Variants in GABRA1 observed in about 807,000 individuals in gnomAD.
The protein encoded by GABRA1 is gamma-aminobutyric acid receptor subunit alpha-1.
Under a neutral mutation model 48.9 loss-of-function variants are expected in GABRA1, and 9 were observed. The ratio of observed to expected loss-of-function variants is 0.18; its 90% CI spans 0.11 to 0.32. The LOEUF (loss-of-function observed/expected upper bound fraction) is 0.32. GABRA1 is among the 10% of genes least tolerant of loss of function. The pLI is 1.00. For missense variants in GABRA1, 285 were observed against 553.8 expected, an observed-to-expected ratio of 0.51 and a Z score of 4.87; for synonymous variants, 210 against 198.7, an observed-to-expected ratio of 1.06 and a Z score of -0.48.
At chr5:161,856,472 A>G (rs1305334418) in intron 3 of GABRA1, among the ~76,000 whole-genome samples, 1 of 151,352 alleles carries the variant, frequency 6.6e-6, no homozygotes, top group Non-Finnish European at 1.5e-5. Flanking sequence ...ATGTGCTTTT[A>G]TCTTTACTAA....
At chr5:161,882,254 G>A in intron 6 of GABRA1, 1 of 406,166 alleles carries the variant, frequency 2.5e-6, no homozygotes, top group Admixed American at 3.7e-5. Context: ...TGTCCCCACT[G>A]CTACAATGCA....
At chr5:161,880,169 A>T (rs901424655) in intron 6 of GABRA1, among the ~76,000 whole-genome samples, 1 of 152,168 alleles carries the variant, frequency 6.6e-6, no homozygotes, top group Non-Finnish European at 1.5e-5. Flanking sequence ...CTGCTTAAAC[A>T]AGTCATTTAT....
intron 6 of GABRA1, among the ~76,000 whole-genome samples, chr5:161,876,766 C>T (rs949976486): frequency 1.3e-5 from 2 of 152,126 alleles, no homozygotes; most frequent in African/African-American, 4.8e-5. Context: ...TCCTGAATAA[C>T]AGATCCATTT....
chr5:161,889,340 G>A (rs1303062894), intron 7 of GABRA1, among the ~76,000 whole-genome samples: 1 of 151,980 alleles, frequency 6.6e-6, no homozygotes, highest in Non-Finnish European at 1.5e-5. Context: ...CCCATATTGT[G>A]CTTCTGACTA....
chr5:161,889,850 T>A (rs907301571), intron 7 of GABRA1, among the ~76,000 whole-genome samples: 4 of 151,958 alleles, frequency 2.6e-5, no homozygotes, highest in Non-Finnish European at 5.9e-5. Flanking sequence ...ATGTCAATAG[T>A]GCTGAGGTTG....
intron 3 of GABRA1, among the ~76,000 whole-genome samples, chr5:161,862,248 C>T (rs1481145989): frequency 1.3e-5 from 2 of 151,848 alleles, no homozygotes; most frequent in Non-Finnish European, 2.9e-5. Context: ...GCACAGGGCT[C>T]TTCAGATATG....
rs1258576999 is a variant in GABRA1, at chr5:161,898,286, T to C, written c.*864T>C. On this transcript the variant is annotated 3_prime_UTR_variant, in exon 10 of 10. Coordinates refer to ENST00000393943, the MANE Select transcript of GABRA1 (RefSeq NM_001127644.2). Reference sequence around the variant, plus strand: ...CCCAACACTCACTTAATTCTCATTATGAAGATGTTTTTAGAGGGGCAAAAA... The same window carrying C: ...CCCAACACTCACTTAATTCTCATTACGAAGATGTTTTTAGAGGGGCAAAAA... 1 of 152,622 alleles carries C rather than the reference T, an allele frequency of 6.6e-6. No individual in the cohort carries two copies. Among genetic ancestry groups the C allele is most frequent in the Non-Finnish European group, 1.5e-5 (1 of 68,008 alleles). The allele number at this position is 152,622 out of a possible 1,614,324, so 9.5% of individuals were successfully genotyped here.
chr5:161,891,369 T>A (rs922317995), intron 8 of GABRA1, among the ~76,000 whole-genome samples: 1 of 152,158 alleles, frequency 6.6e-6, no homozygotes, highest in African/African-American at 2.4e-5. Context: ...TTAAACAATA[T>A]ATTTAGAATA....
chr5:161,864,738 T>C (rs1386083254), intron 3 of GABRA1, among the ~76,000 whole-genome samples: 4 of 151,830 alleles, frequency 2.6e-5, no homozygotes, highest in Non-Finnish European at 5.9e-5. Context: ...TTATAAATGT[T>C]TGTTTTCTTG....
chr5:161,891,188 G>A, intron 8 of GABRA1, 138 bp downstream of exon 8: 1 of 820,792 alleles, frequency 1.2e-6, no homozygotes, highest in Non-Finnish European at 2.0e-6. Flanking sequence ...TCAAGGAATT[G>A]CCACTCTCAT....
At position 161,891,068 on chromosome 5, in the gene GABRA1, T is replaced by A. The variant is rs925661659; in HGVS notation, c.856+18T>A. On this transcript the variant is annotated intron_variant, in intron 8 of 9. Transcript: ENST00000393943. Reference sequence around the variant, plus strand: ...TGTCTTTGGTAAGTCCCAATCAAGATACATACGCAAGGAAGGGTATGGAAG... The same window carrying A: ...TGTCTTTGGTAAGTCCCAATCAAGAAACATACGCAAGGAAGGGTATGGAAG... The A allele has an allele frequency of 1.2e-6, 2 of 1,612,322 alleles. No individual in the cohort carries two copies. Among genetic ancestry groups the A allele is most frequent in the African/African-American group, 1.3e-5 (1 of 74,832 alleles).
chr5:161,870,234 T>C (rs1177375015), intron 4 of GABRA1, among the ~76,000 whole-genome samples: 1 of 152,112 alleles, frequency 6.6e-6, no homozygotes, highest in Non-Finnish European at 1.5e-5. Context: ...GCTATAGTTC[T>C]GCTGCTCGCC....
intron 8 of GABRA1, among the ~76,000 whole-genome samples, chr5:161,893,030 T>TAAC (rs1755182591): frequency 1.5e-5 from 2 of 137,086 alleles, no homozygotes. Context: ...ATAATAATAA[T>TAAC]AATAATAATA....
intron 3 of GABRA1, among the ~76,000 whole-genome samples, chr5:161,863,561 C>T (rs1380605620): frequency 6.6e-6 from 1 of 152,036 alleles, no homozygotes; most frequent in Non-Finnish European, 1.5e-5. Flanking sequence ...CATGGGGATC[C>T]ACCCCCAAAA....
chr5:161,848,687 G>A, intron 1 of GABRA1: 1 of 241,802 alleles, frequency 4.1e-6, no homozygotes, highest in Non-Finnish European at 8.2e-6. Context: ...TTTTTTTCCC[G>A]CTGTCTTTCT....
intron 4 of GABRA1, among the ~76,000 whole-genome samples, chr5:161,867,663 C>A (rs150300158): frequency 1.3e-5 from 2 of 152,162 alleles, no homozygotes; most frequent in African/African-American, 2.4e-5. Context: ...TACCTCTGAG[C>A]TCCTTATCAT....
intron 3 of GABRA1, among the ~76,000 whole-genome samples, chr5:161,864,838 A>AT (rs1322310233): frequency 3.3e-5 from 5 of 149,444 alleles, no homozygotes; most frequent in Non-Finnish European, 5.9e-5. Flanking sequence ...AAAATAAAAT[A>AT]AAATAAATAT....
At chr5:161,889,286 G>A (rs991350471) in intron 7 of GABRA1, among the ~76,000 whole-genome samples, 1 of 151,970 alleles carries the variant, frequency 6.6e-6, no homozygotes, top group Non-Finnish European at 1.5e-5. Context: ...TTATAATGTG[G>A]TTACATAGTA....
At chr5:161,867,290 A>C (rs1753909825) in intron 4 of GABRA1, among the ~76,000 whole-genome samples, 1 of 152,156 alleles carries the variant, frequency 6.6e-6, no homozygotes, top group Non-Finnish European at 1.5e-5. Flanking sequence ...AATGCTTATT[A>C]GGTCCCAGTC....
Sources: gnomAD v4.1 joint callset for allele counts (sites outside exome capture counted in the v4.1 genomes callset) on GRCh38, gnomAD v4.1.1 for gene constraint, MANE v1.5 for transcripts, NCBI Gene and HGNC (gene_info 2026-07-23, HGNC 2026-07-21) for gene names.